FAT2: variants seen among roughly 807,000 people sequenced by gnomAD.
FAT2 encodes protocadherin Fat 2.
A neutral mutation model predicts 295.3 loss-of-function variants in FAT2; 150 were observed. That is an observed-to-expected ratio of 0.51 (90% CI 0.44 to 0.58). The LOEUF is 0.58. FAT2 is among the 20% of genes least tolerant of loss of function. FAT2 has a pLI of 0.00. For missense variants in FAT2, 4,868 were observed against 5,442.7 expected, an observed-to-expected ratio of 0.89 and a Z score of 3.32; for synonymous variants, 2,026 against 2,150.3, an observed-to-expected ratio of 0.94 and a Z score of 1.60.
chr5:151,515,278 T>C (rs919242028), intron 20 of FAT2, among the ~76,000 whole-genome samples: 1 of 152,240 alleles, frequency 6.6e-6, no homozygotes, highest in African/African-American at 2.4e-5. Flanking sequence ...GTCTCCTTTG[T>C]TGAATCCCCT....
chr5:151,551,044 A>T lies in FAT2; in HGVS notation c.4297-173T>A, dbSNP rs552285438. Among the ~76,000 whole-genome samples, 6 of 152,324 alleles carry T rather than the reference A, an allele frequency of 3.9e-5. No individual in the cohort carries two copies. The East Asian group carries it at 9.6e-4, about 24-fold the overall frequency. On this transcript the variant is annotated intron_variant, in intron 7 of 23. Coordinates refer to ENST00000261800, the MANE Select transcript of FAT2 (RefSeq NM_001447.3). ...TATTTCAAAATCAAAAGACCTTCAG[A>T]TGCTGCACAGTCTAGTGTTTTTCAA...
intron 4 of FAT2, among the ~76,000 whole-genome samples, chr5:151,555,048 T>C (rs1757563428): frequency 6.6e-6 from 1 of 152,124 alleles, no homozygotes; most frequent in African/African-American, 2.4e-5. Flanking sequence ...AATGAGAAAA[T>C]GTTGATGAGG....
intron 9 of FAT2, 33 bp downstream of exon 9, chr5:151,549,261 AC>A (rs1561859013): frequency 6.3e-7 from 1 of 1,597,710 alleles, no homozygotes; most frequent in African/African-American, 1.3e-5. Context: ...AAGCATCTTG[AC>A]CCATCCTCTG....
In FAT2 at chr5:151,545,374, A is replaced by G. The variant is rs1418542675; in HGVS notation, c.5753T>C (p.Ile1918Thr). 2 of 1,614,148 alleles carry G rather than the reference A, an allele frequency of 1.2e-6. No individual in the cohort carries two copies. The highest frequency in any genetic ancestry group is 2.2e-5 in the South Asian group (2 of 91,078). The change falls in exon 10 of 24, where the codon ATC (isoleucine) becomes ACC (threonine). Residue 1918 changes from isoleucine (I) to threonine (T), a missense_variant. By Grantham distance (89) the Ile-to-Thr change is moderately conservative. Around this residue, in one of 5 missense-constraint regions of FAT2, gnomAD observed 3,297 missense variants for 3,669.4 expected, o/e 0.90. Coordinates refer to ENST00000261800, the MANE Select transcript of FAT2 (RefSeq NM_001447.3). ...KTGNADEAVTIHPVTGSISVL... is the reference protein window; with the variant it reads ...KTGNADEAVTTHPVTGSISVL... ...AGATATGCTACCAGTGACAGGATGG[A>G]TGGTAACAGCTTCATCAGCATTGCC...
rs368074191 is a variant in FAT2, at chr5:151,549,334, G to A, written c.4750C>T (p.Arg1584Trp). 2.6e-5 allele frequency: 42 copies of A among 1,613,496 alleles called. No homozygotes were observed. The highest frequency in any genetic ancestry group is 6.7e-5 in the African/African-American group (5 of 74,866). The change falls in exon 9 of 24, where the codon CGG (arginine) becomes TGG (tryptophan). Residue 1584 changes from arginine to tryptophan, a missense_variant. By Grantham distance (101) the Arg-to-Trp change is moderately radical. Around this residue, in one of 5 missense-constraint regions of FAT2, gnomAD observed 3,297 missense variants for 3,669.4 expected, o/e 0.90. Transcript: ENST00000261800. ...TAGTGGACCTCAGCATTGACTCCCC[G>A]GTCAGCATCCATGGCTCGGACCTGC... ...LLQVRAMDAD[R>W]GVNAEVHYSL...
At position 151,546,118 on chromosome 5, in the gene FAT2, G is replaced by A; in HGVS notation, c.5009C>T (p.Pro1670Leu). 1.2e-6 allele frequency: 2 copies of A among 1,614,132 alleles called. No homozygotes were observed. Among genetic ancestry groups the A allele is most frequent in the Non-Finnish European group, 1.7e-6 (2 of 1,180,030 alleles). Reference sequence around the variant, plus strand: ...TGGGGAACCAACAGGGATTGATTCAGGGATCTCTACAAAGTACTCAGATTT... The same window carrying A: ...TGGGGAACCAACAGGGATTGATTCAAGGATCTCTACAAAGTACTCAGATTT... ...FSKSEYFVEIPESIPVGSPIL... is the reference protein window; with the variant it reads ...FSKSEYFVEILESIPVGSPIL... The change falls in exon 10 of 24, where the codon CCT (proline) becomes CTT (leucine). Residue 1670 changes from proline (P) to leucine (L), a missense_variant. By Grantham distance (98) the Pro-to-Leu change is moderately conservative. Transcript: ENST00000261800.
chr5:151,582,140 C>T lies in FAT2; in HGVS notation c.-21+9025G>A, dbSNP rs187423839. Among the ~76,000 whole-genome samples, 31 of 152,296 alleles carry T rather than the reference C, an allele frequency of 2.0e-4. No homozygotes were observed. The East Asian group carries it at 4.6e-3, about 23-fold the overall frequency. On this transcript the variant is annotated intron_variant, in intron 1 of 23. Transcript: ENST00000261800. ...TGAACCTGACTGCAGAGCCAAGGCA[C>T]GAGAGAGGTCAGAGATGATTTGGGA... is the stretch of plus-strand genomic sequence containing the variant.
In FAT2 at chr5:151,537,869, G is replaced by T. The variant is rs1755624867; in HGVS notation, c.9117C>A (p.Asp3039Glu). The change falls in exon 12 of 24, where the codon GAC (aspartate) becomes GAA (glutamate). Residue 3039 changes from aspartate to glutamate, a missense_variant. Asp to Glu is a conservative substitution (Grantham distance 45). Coordinates refer to ENST00000261800, the MANE Select transcript of FAT2 (RefSeq NM_001447.3). ...ATGTGATCTGAGCATTGGTATCAGT[G>T]TCCAAGTCTGTGGCAGAAACCTTCA... ...FILKVSATDLDTDTNAQITYS... is the reference protein window; with the variant it reads ...FILKVSATDLETDTNAQITYS... 1 of 1,614,148 alleles carries T rather than the reference G, an allele frequency of 6.2e-7. No individual in the cohort carries two copies. The highest frequency in any genetic ancestry group is 8.5e-7 in the Non-Finnish European group (1 of 1,179,984).
chr5:151,540,895 AAC>A, intron 10 of FAT2, 132 bp from the exon 11 acceptor site: 7 of 781,042 alleles, frequency 9.0e-6, no homozygotes, highest in Admixed American at 5.8e-5. Flanking sequence ...CTTAACTAGG[AAC>A]CCACGATTCT....
intron 10 of FAT2, among the ~76,000 whole-genome samples, chr5:151,541,335 G>A (rs1356239956): frequency 6.6e-6 from 1 of 152,188 alleles, no homozygotes; most frequent in Non-Finnish European, 1.5e-5. Context: ...TCCAAGAATT[G>A]ATAACATGTT....
At chr5:151,580,341 A>C (rs1261312572) in intron 1 of FAT2, among the ~76,000 whole-genome samples, 2 of 152,206 alleles carry the variant, frequency 1.3e-5, no homozygotes, top group African/African-American at 4.8e-5. Context: ...GAGCCTATCT[A>C]AGCCTCAGTT....
At chr5:151,563,743 T>G in intron 2 of FAT2, 104 bp from the exon 3 acceptor site, 1 of 854,126 alleles carries the variant, frequency 1.2e-6, no homozygotes, top group Non-Finnish European at 1.8e-6. Flanking sequence ...GAAAGGGTAT[T>G]AATAAGTAGA....
chr5:151,505,492 C>G lies in FAT2; in HGVS notation c.*73G>C, dbSNP rs547707335. 29 of 1,576,094 alleles carry G rather than the reference C, an allele frequency of 1.8e-5. No individual in the cohort carries two copies. The East Asian group carries it at 6.3e-4, about 34-fold the overall frequency. On this transcript the variant is annotated 3_prime_UTR_variant, in exon 24 of 24. Transcript: ENST00000261800. ...CTCTCCCAGCCACACTCAACTCACC[C>G]CCTACGAGACAGGAAGAAATAAGCC...
chr5:151,570,559 A>C (rs1195275009), intron 1 of FAT2, among the ~76,000 whole-genome samples: 1 of 152,204 alleles, frequency 6.6e-6, no homozygotes, highest in Non-Finnish European at 1.5e-5. Flanking sequence ...GCCTGGGTGA[A>C]AATGTGAGAC....
At chr5:151,577,544 G>A (rs1425861162) in intron 1 of FAT2, among the ~76,000 whole-genome samples, 1 of 152,178 alleles carries the variant, frequency 6.6e-6, no homozygotes, top group Non-Finnish European at 1.5e-5. Flanking sequence ...TGGGGCAAGG[G>A]GTAGAGCATG....
intron 17 of FAT2, among the ~76,000 whole-genome samples, chr5:151,526,513 T>C (rs1304719745): frequency 6.6e-6 from 1 of 152,250 alleles, no homozygotes; most frequent in African/African-American, 2.4e-5. Flanking sequence ...TATAACACAA[T>C]GGTTGCTAAC....
chr5:151,556,826 T>G (rs1757739604), intron 3 of FAT2, among the ~76,000 whole-genome samples: 1 of 152,214 alleles, frequency 6.6e-6, no homozygotes, highest in Admixed American at 6.5e-5. Context: ...GTTCGGTGTT[T>G]AAACACAGTT....
chr5:151,554,833 T>G (rs1478149953), intron 4 of FAT2, among the ~76,000 whole-genome samples, 160 bp from the exon 5 acceptor site: 3 of 152,120 alleles, frequency 2.0e-5, no homozygotes, highest in Non-Finnish European at 4.4e-5. Context: ...CTGGCAACTT[T>G]GCCCCTGGGA....
At position 151,505,186 on chromosome 5, in the gene FAT2, T is replaced by C. The variant is rs1760744273; in HGVS notation, c.*379A>G. On this transcript the variant is annotated 3_prime_UTR_variant, in exon 24 of 24. Coordinates refer to ENST00000261800, the MANE Select transcript of FAT2 (RefSeq NM_001447.3). ...TCCAAAATGGAGCTGTGGGCAGGTA[T>C]GAGAATGCATCTTGGTGAAGTTGAG... The C allele has an allele frequency of 3.2e-6, 1 of 312,274 alleles. No individual in the cohort carries two copies. Among genetic ancestry groups the C allele is most frequent in the East Asian group, 9.5e-5 (1 of 10,474 alleles). The allele number at this position is 312,274 out of a possible 1,614,324, so 19.3% of individuals were successfully genotyped here.
Sources: gnomAD v4.1 joint callset for allele counts (sites outside exome capture counted in the v4.1 genomes callset) on GRCh38, gnomAD v4.1.1 for gene constraint, gnomAD v4.1.1 regional missense constraint, MANE v1.5 for transcripts, NCBI Gene and HGNC (gene_info 2026-07-23, HGNC 2026-07-21) for gene names.